Variants in FSTL5 observed in about 807,000 individuals in gnomAD.
FSTL5 encodes follistatin like 5, also known as follistatin-related protein 5.
In FSTL5, 62 loss-of-function variants were observed where a neutral mutation model predicts 89.1. The observed-to-expected ratio is 0.70, with a 90% confidence interval of 0.57 to 0.86. The LOEUF is 0.86. FSTL5 is among the 40% of genes least tolerant of loss of function. FSTL5 has a pLI of 0.00. For missense variants in FSTL5, 1,057 were observed against 1,001.6 expected (o/e 1.06, Z -0.75); for synonymous variants, 383 against 346.2 (o/e 1.11, Z -1.18).
intron 5 of FSTL5, among the ~76,000 whole-genome samples, chr4:161,770,252 T>C (rs1741161755): frequency 6.6e-6 from 1 of 151,904 alleles, no homozygotes; most frequent in African/African-American, 2.4e-5. Flanking sequence ...GAGGTGGAGA[T>C]GGTCAATGGG....
At chr4:161,989,472 T>C (rs937638514) in intron 3 of FSTL5, among the ~76,000 whole-genome samples, 3 of 152,190 alleles carry the variant, frequency 2.0e-5, no homozygotes, top group African/African-American at 4.8e-5. Context: ...AGACTTACCA[T>C]GCTTCAAATA....
intron 7 of FSTL5, among the ~76,000 whole-genome samples, chr4:161,604,142 A>T (rs188410518): frequency 6.6e-6 from 1 of 152,104 alleles, no homozygotes; most frequent in East Asian, 1.9e-4. Context: ...TTCAATGTTC[A>T]TTTTGATAAT....
At chr4:161,574,445 A>G (rs1733141141) in intron 8 of FSTL5, among the ~76,000 whole-genome samples, 1 of 150,924 alleles carries the variant, frequency 6.6e-6, no homozygotes, top group African/African-American at 2.4e-5. Flanking sequence ...TGCTGCACCT[A>G]TCAACCCATA....
Position 161,565,782 on chromosome 4 carries a change from C to CACACAT in FSTL5, c.1015+21672_1015+21673insATGTGT, listed in dbSNP as rs1180752677. On this transcript the variant is annotated intron_variant, in intron 8 of 15. Transcript: ENST00000306100. ...ACACACACACACACACACACACACA[C>CACACAT]ATATATATGATATTTTCTTTATCTC... Among the ~76,000 whole-genome samples the CACACAT allele has an allele frequency of 4.0e-4, 58 of 145,134 alleles. No homozygotes were observed. In the South Asian group the frequency reaches 7.5e-3, roughly 19 times the overall value.
intron 4 of FSTL5, among the ~76,000 whole-genome samples, chr4:161,861,351 G>A (rs891920591): frequency 5.9e-5 from 9 of 152,112 alleles, no homozygotes; most frequent in African/African-American, 9.7e-5. Context: ...GAACCCGGGA[G>A]GCAGAGGTGG....
At chr4:161,502,970 A>G (rs967250611) in intron 11 of FSTL5, among the ~76,000 whole-genome samples, 1 of 151,662 alleles carries the variant, frequency 6.6e-6, no homozygotes, top group African/African-American at 2.4e-5. Context: ...AAATTTATAT[A>G]TATTATATTT....
intron 4 of FSTL5, among the ~76,000 whole-genome samples, chr4:161,877,933 C>T (rs1295528787): frequency 9.2e-5 from 14 of 151,664 alleles, no homozygotes; most frequent in African/African-American, 3.4e-4. Flanking sequence ...GGATTACAGG[C>T]ATGAGTAACT....
chr4:162,090,273 C>G (rs551070509), intron 2 of FSTL5, among the ~76,000 whole-genome samples: 2 of 152,086 alleles, frequency 1.3e-5, no homozygotes, highest in African/African-American at 4.8e-5. Context: ...TGTTTTTCTG[C>G]ACAGCAAAAG....
At chr4:161,555,195 A>T (rs1732348484) in intron 8 of FSTL5, among the ~76,000 whole-genome samples, 1 of 151,642 alleles carries the variant, frequency 6.6e-6, no homozygotes, top group Non-Finnish European at 1.5e-5. Context: ...AGAAATTACA[A>T]TGCTTTAACC....
At chr4:161,420,617 T>A (rs913702335) in intron 15 of FSTL5, among the ~76,000 whole-genome samples, 1 of 151,804 alleles carries the variant, frequency 6.6e-6, no homozygotes, top group Non-Finnish European at 1.5e-5. Context: ...ATAAATCTCT[T>A]CATATAGTCA....
intron 3 of FSTL5, among the ~76,000 whole-genome samples, chr4:161,945,608 C>T (rs969171795): frequency 2.6e-5 from 4 of 151,994 alleles, no homozygotes; most frequent in African/African-American, 7.2e-5. Context: ...AAAAATTAGC[C>T]GGGCGTAGTG....
intron 7 of FSTL5, among the ~76,000 whole-genome samples, chr4:161,630,849 TC>T (rs1253588890): frequency 1.3e-5 from 2 of 152,202 alleles, no homozygotes; most frequent in African/African-American, 4.8e-5. Context: ...TCTGCTTTTG[TC>T]CTCATCTGTT....
intron 6 of FSTL5, among the ~76,000 whole-genome samples, chr4:161,695,991 T>C (rs13124914): frequency 0.19 from 28,709 of 152,232 alleles, 3,153 homozygotes; most frequent in Non-Finnish European, 0.26. Flanking sequence ...ATCTTTGTTT[T>C]ATTGCATTTG....
At chr4:161,780,603 AAG>A (rs1323410780) in intron 4 of FSTL5, among the ~76,000 whole-genome samples, 2 of 152,168 alleles carry the variant, frequency 1.3e-5, no homozygotes, top group African/African-American at 4.8e-5. Context: ...CCTTTGACTC[AAG>A]AGTCATTCTA....
rs550428540 is a variant in FSTL5, at chr4:161,836,718, ATT to A, written c.410-60646_410-60645del. Reference sequence around the variant, plus strand: ...TGAGGATACGTTGTTGAAGAGCAAAATTAAAGATATTGTGAAATTTTTTATTA... The same window carrying A: ...TGAGGATACGTTGTTGAAGAGCAAAAAAAGATATTGTGAAATTTTTTATTA... On this transcript the variant is annotated intron_variant, in intron 4 of 15. Coordinates refer to ENST00000306100, the MANE Select transcript of FSTL5 (RefSeq NM_020116.5). Among the ~76,000 whole-genome samples the A allele has an allele frequency of 7.2e-5, 11 of 152,166 alleles. No homozygotes were observed. The South Asian group carries it at 2.3e-3, about 32-fold the overall frequency.
At chr4:161,929,142 C>T (rs922594649) in intron 3 of FSTL5, among the ~76,000 whole-genome samples, 1 of 150,826 alleles carries the variant, frequency 6.6e-6, no homozygotes, top group Non-Finnish European at 1.5e-5. Context: ...CTCTGTTGCT[C>T]TCTCTCTTTC....
chr4:161,543,664 A>AT (rs543805134), intron 8 of FSTL5, among the ~76,000 whole-genome samples: 9 of 151,864 alleles, frequency 5.9e-5, no homozygotes, highest in South Asian at 2.1e-4. Context: ...ATTGATGGTC[A>AT]TTTTTTTTCC....
chr4:161,679,672 A>T (rs957098938), intron 6 of FSTL5, among the ~76,000 whole-genome samples: 1 of 151,866 alleles, frequency 6.6e-6, no homozygotes, highest in African/African-American at 2.4e-5. Context: ...ATACATAGAA[A>T]ATAACCTATG....
intron 15 of FSTL5, among the ~76,000 whole-genome samples, chr4:161,393,691 T>C (rs1730899681): frequency 6.6e-6 from 1 of 152,068 alleles, no homozygotes; most frequent in Non-Finnish European, 1.5e-5. Context: ...ACCACAAGGG[T>C]AATGCGGTAA....
Sources: gnomAD v4.1 joint callset for allele counts (sites outside exome capture counted in the v4.1 genomes callset) on GRCh38, gnomAD v4.1.1 for gene constraint, MANE v1.5 for transcripts, NCBI Gene and HGNC (gene_info 2026-07-23, HGNC 2026-07-21) for gene names.